Variants in ABCC2 observed in about 807,000 individuals in gnomAD.
The protein encoded by ABCC2 is ATP binding cassette subfamily C member 2.
ABCC2 carries 157 observed loss-of-function variants against 173.4 expected under a neutral mutation model. The observed-to-expected ratio is 0.91, with a 90% CI of 0.80 to 1.03. The LOEUF (loss-of-function observed/expected upper bound fraction) is 1.03, where lower values mean the gene tolerates loss of function less well. ABCC2 is among the 50% of genes least tolerant of loss of function. The pLI, the probability that ABCC2 is intolerant of heterozygous loss-of-function variation, is 0.00. For missense variants in ABCC2, 1,822 were observed against 1,852.3 expected, an observed-to-expected ratio of 0.98 and a Z score of 0.30; for synonymous variants, 657 against 693.5, an observed-to-expected ratio of 0.95 and a Z score of 0.83.
chr10:99,814,558 TACACATATAC>T (rs1192471695), intron 16 of ABCC2, among the ~76,000 whole-genome samples: 1 of 125,680 alleles, frequency 8.0e-6, no homozygotes, highest in Admixed American at 7.7e-5. Context: ...TATGTGTATA[TACACATATAC>T]ACACACATAT....
intron 16 of ABCC2, among the ~76,000 whole-genome samples, chr10:99,814,651 A>G (rs1273005558): frequency 1.1e-5 from 1 of 87,846 alleles, no homozygotes; most frequent in African/African-American, 4.3e-5. Flanking sequence ...ACACATATAC[A>G]CACACATATG....
chr10:99,826,376 T>C (rs912779103), intron 19 of ABCC2, among the ~76,000 whole-genome samples: 4 of 151,292 alleles, frequency 2.6e-5, no homozygotes, highest in Non-Finnish European at 4.4e-5. Flanking sequence ...CGTTTTCATA[T>C]GCCATCAACT....
rs1412162392 is a variant in ABCC2, at chr10:99,795,726, AGAAAGAAAGAAG to A, written c.632+1270_632+1281del. On this transcript the variant is annotated intron_variant, in intron 6 of 31. Coordinates refer to ENST00000647814, the MANE Select transcript of ABCC2 (RefSeq NM_000392.5). ...AGAAAGAGAGAGAGAGAGAGAAGAA[AGAAAGAAAGAAG>A]GAAAGAAAGAAAGAAAGAAAGAAAG... Among the ~76,000 whole-genome samples, 322 of 142,548 alleles carry A rather than the reference AGAAAGAAAGAAG, an allele frequency of 2.3e-3. 1 individual carries two copies. The highest frequency in any genetic ancestry group is 3.6e-3 in the Non-Finnish European group (237 of 65,680). 93.5% of individuals were successfully genotyped at this position (142,548 alleles called of 152,430 possible).
chr10:99,811,577 C>T lies in ABCC2; in HGVS notation c.1942C>T (p.His648Tyr), dbSNP rs766877794. Residue 648 changes from histidine to tyrosine, a missense_variant, in exon 15 of 32, where the codon CAT becomes TAT. Physicochemically the swap from His to Tyr is moderately conservative, Grantham distance 83. Coordinates refer to ENST00000647814, the MANE Select transcript of ABCC2 (RefSeq NM_000392.5). ...TTCTGAGGCCTCCTTTACCTGGGAA[C>T]ATGATTCGGAAGCCACAGTCCGAGA... ...QFSEASFTWEHDSEATVRDVN... is the reference protein window; with the variant it reads ...QFSEASFTWEYDSEATVRDVN... 1 of 1,614,132 alleles carries T rather than the reference C, an allele frequency of 6.2e-7. No individual in the cohort carries two copies. The highest frequency in any genetic ancestry group is 8.5e-7 in the Non-Finnish European group (1 of 1,180,002).
intron 12 of ABCC2, 130 bp downstream of exon 12, chr10:99,807,651 C>T (rs2038136060): frequency 3.1e-6 from 4 of 1,311,038 alleles, no homozygotes; most frequent in East Asian, 2.4e-5. Flanking sequence ...GGACTTGTCC[C>T]TCTCACCGCC....
chr10:99,792,368 T>C lies in ABCC2; in HGVS notation c.333+9T>C, dbSNP rs754406474. On this transcript the variant is annotated intron_variant, in intron 3 of 31. Transcript: ENST00000647814. ...TCTACCTAGGCACATGGGTAAGACC[T>C]ATACCACTTCTGCCCTGTTTACCTT... 1.9e-5 allele frequency: 31 copies of C among 1,613,690 alleles called. No homozygotes were observed. The East Asian group carries it at 5.8e-4, about 30-fold the overall frequency.
chr10:99,813,961 A>T (rs1322439031), intron 16 of ABCC2, among the ~76,000 whole-genome samples: 1 of 151,858 alleles, frequency 6.6e-6, no homozygotes, highest in Non-Finnish European at 1.5e-5. Context: ...CATTGCAATT[A>T]CTCTTGGGCC....
chr10:99,808,922 T>C (rs909877863), intron 13 of ABCC2, among the ~76,000 whole-genome samples: 9 of 151,862 alleles, frequency 5.9e-5, no homozygotes, highest in Non-Finnish European at 1.2e-4. Context: ...TCCTGGAGGG[T>C]GTAAAGAAAA....
chr10:99,827,157 T>A (rs1590178559), intron 19 of ABCC2, among the ~76,000 whole-genome samples: 1 of 152,240 alleles, frequency 6.6e-6, no homozygotes, highest in African/African-American at 2.4e-5. Context: ...GGGTGGCCGA[T>A]ACTGAAGTTC....
intron 2 of ABCC2, among the ~76,000 whole-genome samples, chr10:99,790,653 C>T (rs766406312): frequency 3.7e-4 from 56 of 152,298 alleles, no homozygotes; most frequent in Middle Eastern, 3.4e-3. Flanking sequence ...TAGCTTACCG[C>T]CTATGAAGCT....
rs567643734 is a variant in ABCC2 at position 99,843,704 on chromosome 10, G to A, written c.3742-95G>A. 1.4e-5 allele frequency: 14 copies of A among 989,454 alleles called. No individual in the cohort carries two copies. In the African/African-American group the frequency reaches 2.1e-4, roughly 15 times the overall value. 61.3% of individuals were successfully genotyped at this position (989,454 alleles called of 1,614,324 possible). ...CCCTTGTAGAGTCCAGCACAGTGCT[G>A]GGTACAAAGTCGGCACTGGATTGTC... On this transcript the variant is annotated intron_variant, in intron 26 of 31. Transcript: ENST00000647814.
intron 16 of ABCC2, among the ~76,000 whole-genome samples, chr10:99,814,262 CGT>C (rs1491478114): frequency 0.024 from 641 of 26,312 alleles, 87 homozygotes; most frequent in East Asian, 0.063. Flanking sequence ...TGTATACACA[CGT>C]ATGTATACAC....
At chr10:99,784,198 G>A (rs1370750411) in intron 1 of ABCC2, among the ~76,000 whole-genome samples, 1 of 152,048 alleles carries the variant, frequency 6.6e-6, no homozygotes, top group African/African-American at 2.4e-5. Context: ...CATGGCGCCT[G>A]CATGTTTGAA....
At chr10:99,849,041 G>A (rs988023189) in intron 30 of ABCC2, among the ~76,000 whole-genome samples, 3 of 152,118 alleles carry the variant, frequency 2.0e-5, no homozygotes, top group East Asian at 1.9e-4. Flanking sequence ...CCTGACCAAC[G>A]TGGAGACACC....
chr10:99,788,273 T>C (rs980373768), intron 2 of ABCC2, among the ~76,000 whole-genome samples: 4 of 152,214 alleles, frequency 2.6e-5, no homozygotes, highest in African/African-American at 9.6e-5. Context: ...CCTTCCATTT[T>C]AGCACATAAA....
chr10:99,800,249 T>A, intron 8 of ABCC2, 137 bp from the exon 9 acceptor site: 1 of 956,052 alleles, frequency 1.0e-6, no homozygotes, highest in African/African-American at 1.6e-5. Flanking sequence ...GACTTAGGTC[T>A]TTCAAAGGCT....
chr10:99,825,627 C>T (rs887138549), intron 19 of ABCC2, among the ~76,000 whole-genome samples: 76 of 152,360 alleles, frequency 5.0e-4, no homozygotes, highest in African/African-American at 1.5e-3. Flanking sequence ...GAGCTAATAA[C>T]CAACTGAATT....
Position 99,814,197 on chromosome 10 carries a change from GTATATATACACACATGTGTATA to G in ABCC2, c.2094+1058_2094+1079del, listed in dbSNP as rs1564683595. 6.0e-5 allele frequency among the ~76,000 whole-genome samples: 3 copies of G among 50,200 alleles called. 1 individual carries two copies. The highest frequency in any genetic ancestry group is 1.2e-4 in the Non-Finnish European group (3 of 24,104). The allele number at this position is 50,200 out of a possible 152,430, so 32.9% of individuals were successfully genotyped here. A position where few individuals can be genotyped will look rare whatever the true frequency, so the allele number is the denominator to read the frequency against. The stretch of plus-strand genomic sequence containing the variant: ...CACACATGTATGTATACACACATGT[GTATATATACACACATGTGTATA>G]TATACACACATGTGTATATATGCAC... On this transcript the variant is annotated intron_variant, in intron 16 of 31. Transcript: ENST00000647814.
chr10:99,849,880 C>A (rs1438189401), intron 30 of ABCC2, among the ~76,000 whole-genome samples: 3 of 152,212 alleles, frequency 2.0e-5, no homozygotes, highest in Non-Finnish European at 4.4e-5. Context: ...TCCTTCACAT[C>A]ATTTCCCAAA....
Sources: allele counts gnomAD v4.1 joint callset (sites outside exome capture counted in the v4.1 genomes callset), GRCh38; gene constraint gnomAD v4.1.1; transcripts MANE v1.5; gene names NCBI Gene and HGNC (gene_info 2026-07-23, HGNC 2026-07-21).